NEK6: variants seen among roughly 807,000 people sequenced by gnomAD.
The protein encoded by NEK6 is NIMA related kinase 6.
Under a neutral mutation model 43.5 loss-of-function variants are expected in NEK6, and 27 were observed. The ratio of observed to expected loss-of-function variants is 0.62; its 90% CI spans 0.46 to 0.86. NEK6 has a LOEUF of 0.86. NEK6 is among the 40% of genes least tolerant of loss of function. The pLI is 0.00. For synonymous variants in NEK6, 167 were observed against 164.1 expected (o/e 1.02, Z -0.14); for missense variants, 318 against 414.4 (o/e 0.77, Z 2.02).
chr9:124,258,133 G>C (rs1830880670), intron 1 of NEK6, 48 bp downstream of exon 1: 2 of 978,634 alleles, frequency 2.0e-6, no homozygotes, highest in Non-Finnish European at 2.4e-6. Context: ...CCGCGGCCCG[G>C]AGAAGGGCGG....
intron 1 of NEK6, among the ~76,000 whole-genome samples, chr9:124,298,034 T>C (rs1832779188): frequency 1.3e-5 from 2 of 152,238 alleles, no homozygotes; most frequent in South Asian, 2.1e-4. Context: ...AGAGGGAGTT[T>C]AGAGTCACTG....
At chr9:124,334,537 A>T (rs779173724) in intron 7 of NEK6, among the ~76,000 whole-genome samples, 1 of 152,160 alleles carries the variant, frequency 6.6e-6, no homozygotes, top group Non-Finnish European at 1.5e-5. Context: ...CAGGCTTTCA[A>T]TATAAAGCCA....
At chr9:124,278,827 C>T (rs1289359712) in intron 1 of NEK6, among the ~76,000 whole-genome samples, 2 of 152,156 alleles carry the variant, frequency 1.3e-5, no homozygotes, top group African/African-American at 4.8e-5. Context: ...ACTCCCCGCT[C>T]CCTTGAGAAT....
rs1385040718 is a variant in NEK6 at position 124,324,367 on chromosome 9, C to T, written c.406-1963C>T. 2.0e-5 allele frequency among the ~76,000 whole-genome samples: 3 copies of T among 152,206 alleles called. No individual in the cohort carries two copies. Among genetic ancestry groups the T allele is most frequent in the African/African-American group, 4.8e-5 (2 of 41,456 alleles). ...CTGTCAGGCAGCAGGGATTGTGTCCCGAGAGCCTGCAGCCTCAAGGGCTGA... is the reference window on the plus strand; with the variant it reads ...CTGTCAGGCAGCAGGGATTGTGTCCTGAGAGCCTGCAGCCTCAAGGGCTGA... On this transcript the variant is annotated intron_variant, in intron 5 of 9. Transcript: ENST00000320246. The surrounding 1 kb of genome is among the most constrained non-coding windows in gnomAD (Gnocchi z 5.3).
In NEK6 at chr9:124,333,012, G is replaced by A. The variant is rs954551373; in HGVS notation, c.622+5567G>A. Among the ~76,000 whole-genome samples, 4 of 152,272 alleles carry A rather than the reference G, an allele frequency of 2.6e-5. 1 individual carries two copies. The highest frequency in any genetic ancestry group is 6.5e-5 in the Admixed American group (1 of 15,304). ...ATCGCCGGGAGATGGGCCGGGATAA[G>A]GCCCGGGCTGCACTGCACACAGAGG... On this transcript the variant is annotated intron_variant, in intron 7 of 9. Coordinates refer to ENST00000320246, the MANE Select transcript of NEK6 (RefSeq NM_014397.6).
At chr9:124,292,330 G>A (rs1832462720) in intron 1 of NEK6, 2 of 1,447,296 alleles carry the variant, frequency 1.4e-6, no homozygotes, top group East Asian at 5.0e-5. Flanking sequence ...GGCTGCTGAT[G>A]GCTGCTTTCA....
intron 1 of NEK6, among the ~76,000 whole-genome samples, chr9:124,267,742 G>A (rs536283553): frequency 1.3e-5 from 2 of 152,352 alleles, no homozygotes; most frequent in South Asian, 2.1e-4. Context: ...AGCAAGGGAC[G>A]GCTGAGCACC....
Position 124,351,855 on chromosome 9 carries a change from G to A in NEK6, c.*908G>A, listed in dbSNP as rs1830291061. ...AATAGTACCTATCATCTACCTTCAG[G>A]ATTGCTGACAGACAGAATTTGAAAT... is the stretch of plus-strand genomic sequence containing the variant. On this transcript the variant is annotated 3_prime_UTR_variant, in exon 10 of 10. Coordinates refer to ENST00000320246, the MANE Select transcript of NEK6 (RefSeq NM_014397.6). 1.3e-5 allele frequency: 2 copies of A among 152,194 alleles called. No individual in the cohort carries two copies. Among genetic ancestry groups the A allele is most frequent in the South Asian group, 4.1e-4 (2 of 4,826 alleles). The allele number at this position is 152,194 out of a possible 1,614,324, so 9.4% of individuals were successfully genotyped here.
At chr9:124,300,795 A>AG (rs1832929294) in intron 1 of NEK6, among the ~76,000 whole-genome samples, 1 of 145,510 alleles carries the variant, frequency 6.9e-6, no homozygotes. Context: ...GGGCCACCGC[A>AG]GGGGAGGGGG....
At position 124,324,910 on chromosome 9, in the gene NEK6, C is replaced by G. The variant is rs886749670; in HGVS notation, c.406-1420C>G. On this transcript the variant is annotated intron_variant, in intron 5 of 9. Coordinates refer to ENST00000320246, the MANE Select transcript of NEK6 (RefSeq NM_014397.6). This position sits in a 1 kb window ranked among gnomAD's most constrained non-coding sequence, Gnocchi z 5.3. ...GCTAAGGGGGCCAGGCGTGGTGGCT[C>G]ACGCCTGTAATCCCAGCACTTTGGG... 1.3e-5 allele frequency among the ~76,000 whole-genome samples: 2 copies of G among 152,098 alleles called. No individual in the cohort carries two copies. Among genetic ancestry groups the G allele is most frequent in the Non-Finnish European group, 2.9e-5 (2 of 68,000 alleles).
chr9:124,297,752 C>T (rs550132370), intron 1 of NEK6, among the ~76,000 whole-genome samples: 11 of 152,318 alleles, frequency 7.2e-5, no homozygotes, highest in African/African-American at 2.4e-4. Flanking sequence ...TGGCAGGAGC[C>T]GCGGGATCCC....
At chr9:124,257,730 G>A (rs1308508807), upstream of NEK6, 11 of 1,530,114 alleles carry the variant, frequency 7.2e-6, no homozygotes, top group African/African-American at 1.4e-5. Flanking sequence ...CTGTGAGTCT[G>A]GGCCTCAGTC....
At chr9:124,303,077 G>C (rs1833079271) in intron 2 of NEK6, among the ~76,000 whole-genome samples, 1 of 152,238 alleles carries the variant, frequency 6.6e-6, no homozygotes, top group African/African-American at 2.4e-5. Context: ...GCCCAGCAAG[G>C]CACCTGATCC....
chr9:124,330,472 C>T (rs896892382), intron 7 of NEK6, among the ~76,000 whole-genome samples: 12 of 152,110 alleles, frequency 7.9e-5, no homozygotes, highest in African/African-American at 2.2e-4. Flanking sequence ...AGGACAGTCT[C>T]GGTGACAGGC....
upstream of NEK6, chr9:124,257,815 C>A (rs1830864382): frequency 8.0e-7 from 1 of 1,255,706 alleles, no homozygotes; most frequent in Non-Finnish European, 1.0e-6. Context: ...GTCGAGGGGT[C>A]CAGGCCCAGG....
At chr9:124,266,486 A>G (rs1831233169) in intron 1 of NEK6, among the ~76,000 whole-genome samples, 1 of 152,148 alleles carries the variant, frequency 6.6e-6, no homozygotes, top group South Asian at 2.1e-4. Flanking sequence ...TCAGGAAGTG[A>G]CCAGCTGCCC....
At chr9:124,266,298 G>A (rs1360217862) in intron 1 of NEK6, among the ~76,000 whole-genome samples, 2 of 152,206 alleles carry the variant, frequency 1.3e-5, no homozygotes, top group South Asian at 2.1e-4. Flanking sequence ...CAGTGATGCC[G>A]TGATGTGGGT....
chr9:124,336,568 T>C (rs1829301336), intron 7 of NEK6, among the ~76,000 whole-genome samples: 1 of 152,176 alleles, frequency 6.6e-6, no homozygotes, highest in Non-Finnish European at 1.5e-5. Context: ...GATCCCCTCT[T>C]CCTCATGTCA....
intron 1 of NEK6, among the ~76,000 whole-genome samples, chr9:124,280,872 A>C (rs1381274245): frequency 6.6e-6 from 1 of 151,986 alleles, no homozygotes; most frequent in Non-Finnish European, 1.5e-5. Context: ...GGCTCACTGC[A>C]GCCTTGACTT....
Sources: gnomAD v4.1 joint callset for allele counts (sites outside exome capture counted in the v4.1 genomes callset) on GRCh38, gnomAD v4.1.1 for gene constraint, Gnocchi (gnomAD v3.1) non-coding constraint, MANE v1.5 for transcripts, NCBI Gene and HGNC (gene_info 2026-07-23, HGNC 2026-07-21) for gene names.